The following HDAC8 variants were observed in gnomAD, a reference collection of about 807,000 sequenced individuals.
The protein encoded by HDAC8 is histone deacetylase 8.
A neutral mutation model predicts 32.2 loss-of-function variants in HDAC8; 1 was observed. The observed-to-expected ratio is 0.03, with a 90% CI of 0.01 to 0.15. The LOEUF (loss-of-function observed/expected upper bound fraction) is 0.15. Ranked by LOEUF, HDAC8 falls within the 10% of genes least tolerant of loss-of-function variation. The pLI, the probability that HDAC8 is intolerant of heterozygous loss-of-function variation, is 1.00. For synonymous variants in HDAC8, 108 were observed against 113.9 expected (o/e 0.95, Z 0.33); for missense variants, 117 against 300.0 (o/e 0.39, Z 4.51).
chrX:72,436,238 T>C (rs2046948492), intron 9 of HDAC8, among the ~76,000 whole-genome samples: 1 of 111,259 alleles, frequency 9.0e-6, no homozygotes. Context: ...CTAAACATGA[T>C]AAACCCAAGG....
chrX:72,487,567 A>G (rs1425981919), intron 7 of HDAC8, among the ~76,000 whole-genome samples: 1 of 110,323 alleles, frequency 9.1e-6, no homozygotes, highest in African/African-American at 3.3e-5. Context: ...TAAGGGGTAC[A>G]TGTAAGGTGA....
intron 9 of HDAC8, among the ~76,000 whole-genome samples, chrX:72,433,805 G>A (rs781976749): frequency 8.9e-5 from 10 of 112,113 alleles, no homozygotes; most frequent in Non-Finnish European, 1.5e-4. Context: ...GGCCTTGCAA[G>A]GCAGCTAAGT....
intron 4 of HDAC8, among the ~76,000 whole-genome samples, chrX:72,543,804 A>T (rs1603212974): frequency 8.9e-6 from 1 of 112,693 alleles, no homozygotes; most frequent in Non-Finnish European, 1.9e-5. Context: ...TGGTCTGCAG[A>T]CTACATTATG....
chrX:72,570,456 G>A (rs370504426), intron 2 of HDAC8, among the ~76,000 whole-genome samples: 1 of 110,344 alleles, frequency 9.1e-6, no homozygotes, highest in African/African-American at 3.3e-5. Flanking sequence ...GTTAAAAAAT[G>A]GCTTAAAATG....
intron 4 of HDAC8, among the ~76,000 whole-genome samples, chrX:72,534,157 A>G (rs1474168757): frequency 3.6e-5 from 4 of 110,374 alleles, no homozygotes; most frequent in Non-Finnish European, 7.6e-5. Flanking sequence ...TAATAGTTAT[A>G]GTTCAGCAAG....
intron 4 of HDAC8, among the ~76,000 whole-genome samples, chrX:72,554,952 T>G (rs1199287899): frequency 2.7e-5 from 3 of 112,209 alleles, no homozygotes; most frequent in African/African-American, 9.7e-5. Context: ...ACCTCCTGGC[T>G]GGAGGCCAAC....
At chrX:72,475,118 A>G (rs1293033751) in intron 7 of HDAC8, among the ~76,000 whole-genome samples, 2 of 110,971 alleles carry the variant, frequency 1.8e-5, no homozygotes, top group Admixed American at 9.6e-5. Context: ...TAGATTGCGC[A>G]CCAGTCTAAA....
chrX:72,419,523 T>C (rs1424277789), intron 9 of HDAC8, among the ~76,000 whole-genome samples: 1 of 111,855 alleles, frequency 8.9e-6, no homozygotes, highest in African/African-American at 3.2e-5. Context: ...GTTTGTGCTA[T>C]AAAAGACATA....
chrX:72,543,658 C>T (rs1440070510), intron 4 of HDAC8, among the ~76,000 whole-genome samples: 2 of 112,243 alleles, frequency 1.8e-5, no homozygotes, highest in African/African-American at 6.5e-5. Flanking sequence ...ACTGAAAGAC[C>T]ACTTAGATGA....
At chrX:72,341,779 T>C (rs1285162014) in intron 10 of HDAC8, among the ~76,000 whole-genome samples, 2 of 111,953 alleles carry the variant, frequency 1.8e-5, no homozygotes, top group African/African-American at 3.2e-5. Flanking sequence ...TTGATTTGTA[T>C]TTATTAGCTA....
At chrX:72,358,801 G>A (rs1203932887) in intron 9 of HDAC8, among the ~76,000 whole-genome samples, 2 of 111,888 alleles carry the variant, frequency 1.8e-5, no homozygotes, top group South Asian at 3.7e-4. Flanking sequence ...GTTTCAGGAT[G>A]AAACTGTCCC....
chrX:72,564,725 T>C (rs1170963174), intron 4 of HDAC8, among the ~76,000 whole-genome samples: 2 of 111,850 alleles, frequency 1.8e-5, no homozygotes, highest in Admixed American at 1.9e-4. Flanking sequence ...AAATTCTATA[T>C]AATTGGTCTC....
intron 9 of HDAC8, among the ~76,000 whole-genome samples, chrX:72,430,040 T>C (rs1228572163): frequency 8.9e-6 from 1 of 112,632 alleles, no homozygotes; most frequent in Non-Finnish European, 1.9e-5. Context: ...ATATTCTTGG[T>C]TTCTAAAAAT....
At chrX:72,440,675 G>A (rs1479382243) in intron 9 of HDAC8, among the ~76,000 whole-genome samples, 1 of 112,164 alleles carries the variant, frequency 8.9e-6, no homozygotes, top group Non-Finnish European at 1.9e-5. Context: ...GTGCCAGACA[G>A]TGGGCACAGG....
intron 9 of HDAC8, among the ~76,000 whole-genome samples, chrX:72,443,337 C>A (rs2047244206): frequency 9.0e-6 from 1 of 110,995 alleles, no homozygotes; most frequent in African/African-American, 3.3e-5. Context: ...CAAACTGTCT[C>A]TCAGACCACA....
chrX:72,386,881 T>C (rs1451940665), intron 9 of HDAC8, among the ~76,000 whole-genome samples: 9 of 111,811 alleles, frequency 8.0e-5, no homozygotes, highest in African/African-American at 2.9e-4. Context: ...GCTGAGGGAA[T>C]GCGAAGTGGA....
intron 7 of HDAC8, among the ~76,000 whole-genome samples, chrX:72,480,068 T>C (rs1379223303): frequency 8.9e-6 from 1 of 112,489 alleles, no homozygotes; most frequent in African/African-American, 3.2e-5. Context: ...CTTTAATTAG[T>C]GTCTGAGTCA....
At chrX:72,451,332 G>T (rs113962474) in intron 9 of HDAC8, among the ~76,000 whole-genome samples, 121 of 111,187 alleles carry the variant, frequency 1.1e-3, no homozygotes, top group African/African-American at 3.7e-3. Flanking sequence ...GAGTAGCTGG[G>T]ATTACAGGCA....
chrX:72,443,142 A>G (rs2147988028), intron 9 of HDAC8, among the ~76,000 whole-genome samples: 1 of 111,039 alleles, frequency 9.0e-6, no homozygotes, highest in Admixed American at 9.6e-5. Context: ...CAGAAAGTTA[A>G]CAAGGATACC....
Sources: gnomAD v4.1 joint callset for allele counts (sites outside exome capture counted in the v4.1 genomes callset) on GRCh38, gnomAD v4.1.1 for gene constraint, MANE v1.5 for transcripts, NCBI Gene and HGNC (gene_info 2026-07-23, HGNC 2026-07-21) for gene names.